Variants in FHIT observed in about 807,000 individuals in gnomAD.
The protein encoded by FHIT is fragile histidine triad diadenosine triphosphatase.
A neutral mutation model predicts 17.9 loss-of-function variants in FHIT; 19 were observed. The observed-to-expected ratio is 1.06, with a 90% CI of 0.74 to 1.56. The LOEUF (loss-of-function observed/expected upper bound fraction) is 1.56. Ranked by LOEUF, FHIT falls within the 40% of genes most tolerant of loss-of-function variation. FHIT has a pLI of 0.00. For synonymous variants in FHIT, 81 were observed against 69.7 expected (o/e 1.16, Z -0.81); for missense variants, 248 against 189.2 (o/e 1.31, Z -1.82).
intron 5 of FHIT, among the ~76,000 whole-genome samples, chr3:60,218,135 CA>C (rs1425298227): frequency 4.6e-5 from 7 of 152,056 alleles, no homozygotes; most frequent in Admixed American, 3.3e-4. Flanking sequence ...ACAACATAAA[CA>C]AAACTTCTTT....
At chr3:60,155,036 C>CA (rs552505205) in intron 5 of FHIT, among the ~76,000 whole-genome samples, 26 of 150,928 alleles carry the variant, frequency 1.7e-4, no homozygotes, top group Middle Eastern at 3.4e-3. Context: ...CCCAGTTTTA[C>CA]AAAAAAAAAT....
intron 4 of FHIT, among the ~76,000 whole-genome samples, chr3:60,649,119 C>T (rs1452699832): frequency 3.3e-5 from 5 of 152,106 alleles, no homozygotes; most frequent in African/African-American, 1.2e-4. Flanking sequence ...TCATTGCGGC[C>T]GGGCGCGGTG....
chr3:60,626,544 A>G (rs759492434), intron 4 of FHIT, among the ~76,000 whole-genome samples: 8 of 152,146 alleles, frequency 5.3e-5, no homozygotes, highest in Non-Finnish European at 8.8e-5. Flanking sequence ...GAGTTTGTGT[A>G]TATTGTTCTT....
chr3:60,842,645 ATTTTT>A (rs1170383044), intron 3 of FHIT, among the ~76,000 whole-genome samples: 37 of 94,588 alleles, frequency 3.9e-4, no homozygotes, highest in African/African-American at 1.1e-3. Context: ...ATATATATAT[ATTTTT>A]TTTTTTTTTT....
At chr3:61,210,100 A>G (rs1355428489) in intron 1 of FHIT, among the ~76,000 whole-genome samples, 1 of 152,210 alleles carries the variant, frequency 6.6e-6, no homozygotes, top group Non-Finnish European at 1.5e-5. Flanking sequence ...GTGCCTGGGT[A>G]TCAGCAGCCG....
At chr3:59,924,597 G>T (rs989629572) in intron 7 of FHIT, among the ~76,000 whole-genome samples, 6 of 152,160 alleles carry the variant, frequency 3.9e-5, no homozygotes, top group Non-Finnish European at 7.4e-5. Flanking sequence ...AACTGTACAA[G>T]AATTAGTTTT....
intron 5 of FHIT, among the ~76,000 whole-genome samples, chr3:60,470,058 TTC>T (rs796525437): frequency 9.1e-5 from 13 of 142,838 alleles, no homozygotes; most frequent in African/African-American, 1.9e-4. Flanking sequence ...CTCTCTTTCT[TTC>T]TCTCTCTCTC....
intron 5 of FHIT, among the ~76,000 whole-genome samples, chr3:60,377,159 A>T (rs1478864957): frequency 6.6e-6 from 1 of 151,746 alleles, no homozygotes; most frequent in Admixed American, 6.6e-5. Context: ...GGAGCCATTT[A>T]TATGAAAACA....
At chr3:60,304,636 A>T (rs1481269654) in intron 5 of FHIT, among the ~76,000 whole-genome samples, 1 of 152,126 alleles carries the variant, frequency 6.6e-6, no homozygotes, top group Non-Finnish European at 1.5e-5. Flanking sequence ...TAGATAAATA[A>T]TAAAACAGTT....
intron 4 of FHIT, among the ~76,000 whole-genome samples, chr3:60,780,394 C>T (rs1367743203): frequency 6.6e-6 from 1 of 152,152 alleles, no homozygotes. Flanking sequence ...CCCAGAAGCC[C>T]AACGTGCCAG....
At chr3:59,845,134 C>T (rs1187807248) in intron 8 of FHIT, among the ~76,000 whole-genome samples, 1 of 152,010 alleles carries the variant, frequency 6.6e-6, no homozygotes, top group Non-Finnish European at 1.5e-5. Context: ...TAGCAATGTC[C>T]TCACTTTCAT....
intron 5 of FHIT, among the ~76,000 whole-genome samples, chr3:60,405,766 T>C (rs78180588): frequency 0.017 from 2,653 of 152,282 alleles, 41 homozygotes; most frequent in Middle Eastern, 0.082. Context: ...ATCTACTGAG[T>C]AGAGGGCAGG....
chr3:60,417,781 T>C (rs1487647883), intron 5 of FHIT, among the ~76,000 whole-genome samples: 3 of 152,300 alleles, frequency 2.0e-5, no homozygotes, highest in African/African-American at 7.2e-5. Context: ...ACTCAACACC[T>C]GTTAACTGTG....
At chr3:60,440,872 G>T (rs1190560738) in intron 5 of FHIT, among the ~76,000 whole-genome samples, 11 of 151,936 alleles carry the variant, frequency 7.2e-5, no homozygotes. Context: ...AATAACATAG[G>T]GCAATAAGTG....
At chr3:61,086,423 AT>A (rs2035308961) in intron 2 of FHIT, among the ~76,000 whole-genome samples, 1 of 152,060 alleles carries the variant, frequency 6.6e-6, no homozygotes, top group African/African-American at 2.4e-5. Flanking sequence ...CATGACATAT[AT>A]TGTTTTTCTA....
intron 3 of FHIT, among the ~76,000 whole-genome samples, chr3:61,029,340 T>A (rs1047425604): frequency 1.3e-5 from 2 of 152,214 alleles, no homozygotes; most frequent in Non-Finnish European, 1.5e-5. Context: ...CTAACGCGTA[T>A]GAACAAGATT....
chr3:60,895,667 T>TTCC (rs1490215250), intron 3 of FHIT, among the ~76,000 whole-genome samples: 2 of 13,648 alleles, frequency 1.5e-4, no homozygotes, highest in African/African-American at 3.1e-4. Context: ...CCTTCCTTCC[T>TTCC]TTCTTTCTTT....
At chr3:60,424,992 C>G (rs904506164) in intron 5 of FHIT, among the ~76,000 whole-genome samples, 1 of 152,118 alleles carries the variant, frequency 6.6e-6, no homozygotes, top group Non-Finnish European at 1.5e-5. Flanking sequence ...ATGGCACATA[C>G]TTTTGCAATA....
intron 3 of FHIT, among the ~76,000 whole-genome samples, chr3:60,854,312 T>C (rs1553749260): frequency 6.6e-6 from 1 of 152,148 alleles, no homozygotes; most frequent in African/African-American, 2.4e-5. Context: ...CTTAAATGCA[T>C]CTTCACTGTC....
Sources: allele counts gnomAD v4.1 joint callset (sites outside exome capture counted in the v4.1 genomes callset), GRCh38; gene constraint gnomAD v4.1.1; transcripts MANE v1.5; gene names NCBI Gene and HGNC (gene_info 2026-07-23, HGNC 2026-07-21).